HFM1: variants seen among roughly 807,000 people sequenced by gnomAD.
The protein encoded by HFM1 is helicase for meiosis 1.
Under a neutral mutation model 192.1 loss-of-function variants are expected in HFM1, and 169 were observed. The ratio of observed to expected loss-of-function variants is 0.88; its 90% CI spans 0.78 to 1.00. The LOEUF (loss-of-function observed/expected upper bound fraction) is 1.00, where lower values mean the gene tolerates loss of function less well. Ranked by LOEUF, HFM1 falls within the 50% of genes least tolerant of loss-of-function variation. The pLI is 0.00. For synonymous variants in HFM1, 525 were observed against 537.8 expected (o/e 0.98, Z 0.33); for missense variants, 1,661 against 1,668.0 (o/e 1.00, Z 0.07).
chr1:91,353,032 A>C lies in HFM1; in HGVS notation c.1831+19T>G. 7 of 1,446,960 alleles carry C rather than the reference A, an allele frequency of 4.8e-6. No homozygotes were observed. The highest frequency in any genetic ancestry group is 4.7e-5 in the South Asian group (4 of 84,418). The allele number at this position is 1,446,960 out of a possible 1,614,324, so 89.6% of individuals were successfully genotyped here. On this transcript the variant is annotated intron_variant, in intron 15 of 38. Transcript: ENST00000370425. ...TCCAAAATATTTTATAGTATCCACG[A>C]GAAATATGTTTTACTTACAAAGAAC...
chr1:91,343,310 C>A, intron 20 of HFM1, 120 bp downstream of exon 20: 1 of 434,702 alleles, frequency 2.3e-6, no homozygotes, highest in Non-Finnish European at 4.3e-6. Flanking sequence ...AATGATGATA[C>A]CCTGTTGAGA....
At chr1:91,263,061 A>G (rs1432684871) in intron 36 of HFM1, among the ~76,000 whole-genome samples, 1 of 152,162 alleles carries the variant, frequency 6.6e-6, no homozygotes, top group Non-Finnish European at 1.5e-5. Flanking sequence ...ATTCACTATT[A>G]TATGCCAGAT....
chr1:91,295,731 T>C (rs1383946840), intron 30 of HFM1, among the ~76,000 whole-genome samples: 4 of 152,176 alleles, frequency 2.6e-5, no homozygotes, highest in East Asian at 1.9e-4. Flanking sequence ...TTCTTAATTT[T>C]AACATAGTCA....
At chr1:91,272,555 G>A (rs1451615502) in intron 34 of HFM1, among the ~76,000 whole-genome samples, 2 of 151,942 alleles carry the variant, frequency 1.3e-5, no homozygotes, top group Non-Finnish European at 1.5e-5. Flanking sequence ...ACAAGCTCTT[G>A]TATGCAGAAG....
chr1:91,351,524 T>G, intron 17 of HFM1, 25 bp downstream of exon 17: 1 of 1,215,372 alleles, frequency 8.2e-7, no homozygotes, highest in Non-Finnish European at 1.2e-6. Context: ...CATTAGTATC[T>G]TTTTGGAACT....
At chr1:91,398,843 C>T (rs1663977428) in intron 2 of HFM1, among the ~76,000 whole-genome samples, 1 of 152,160 alleles carries the variant, frequency 6.6e-6, no homozygotes, top group African/African-American at 2.4e-5. Context: ...CAGGCATATA[C>T]CACCATGTCT....
At chr1:91,283,407 C>A (rs2100840183) in intron 30 of HFM1, among the ~76,000 whole-genome samples, 1 of 152,150 alleles carries the variant, frequency 6.6e-6, no homozygotes, top group South Asian at 2.1e-4. Context: ...CCACACCCAG[C>A]TAATTTTTGT....
chr1:91,326,474 GA>G lies in HFM1; in HGVS notation c.2336-1709del, dbSNP rs200182184. Among the ~76,000 whole-genome samples, 251 of 145,506 alleles carry G rather than the reference GA, an allele frequency of 1.7e-3. 3 individuals carry two copies. The East Asian group carries it at 0.023, about 14-fold the overall frequency. On this transcript the variant is annotated intron_variant, in intron 20 of 38. Transcript: ENST00000370425. Reference sequence around the variant, plus strand: ...GGCAGGACATATTTAAAGTGCTAAAGAAAAAAAAAACCCTTTTACTCTAGAA... The same window carrying G: ...GGCAGGACATATTTAAAGTGCTAAAGAAAAAAAAACCCTTTTACTCTAGAA...
chr1:91,262,996 A>G (rs1219872096), intron 36 of HFM1, among the ~76,000 whole-genome samples: 1 of 152,170 alleles, frequency 6.6e-6, no homozygotes, highest in Non-Finnish European at 1.5e-5. Context: ...ATAACTGTAT[A>G]GAAGAATTTA....
At chr1:91,307,475 CAG>C (rs1366251052) in intron 30 of HFM1, among the ~76,000 whole-genome samples, 1 of 151,942 alleles carries the variant, frequency 6.6e-6, no homozygotes, top group Admixed American at 6.6e-5. Flanking sequence ...TATTTTGAGA[CAG>C]GGTCTCGCTC....
chr1:91,388,246 T>C (rs1662494050), intron 4 of HFM1, among the ~76,000 whole-genome samples: 1 of 152,158 alleles, frequency 6.6e-6, no homozygotes. Flanking sequence ...AGCCTCAAAT[T>C]TGTAGTTGGC....
At position 91,378,098 on chromosome 1, in the gene HFM1, G is replaced by C. The variant is rs1260658152; in HGVS notation, c.1322C>G (p.Thr441Ser). ...RMKTVQSVSQ[T>S]LKNTSTAIPM... ...AATAGCAGTGCTGGTATTTTTTAAA[G>C]TCTGAGAAACAGACTGTACAGTTTT... Residue 441 changes from threonine to serine, a missense_variant, in exon 11 of 39, where the codon ACT (threonine) becomes AGT (serine). Transcript: ENST00000370425. 2 of 1,611,642 alleles carry C rather than the reference G, an allele frequency of 1.2e-6. No individual in the cohort carries two copies. The highest frequency in any genetic ancestry group is 2.7e-5 in the African/African-American group (2 of 74,816).
At chr1:91,353,652 C>CCAAAAA (rs1553213573) in intron 13 of HFM1, among the ~76,000 whole-genome samples, 1 of 65,428 alleles carries the variant, frequency 1.5e-5, no homozygotes, top group African/African-American at 5.1e-5. Flanking sequence ...AGTAAATAAG[C>CCAAAAA]AAAAAAAAAA....
At chr1:91,279,647 T>C (rs2100809538) in intron 30 of HFM1, among the ~76,000 whole-genome samples, 1 of 152,288 alleles carries the variant, frequency 6.6e-6, no homozygotes, top group East Asian at 1.9e-4. Context: ...CTTCAAATAG[T>C]TCCATGCCTT....
chr1:91,381,028 T>TAAA, intron 6 of HFM1, 46 bp from the exon 7 acceptor site: 1 of 703,680 alleles, frequency 1.4e-6, no homozygotes, highest in Non-Finnish European at 2.3e-6. Context: ...TTTAAAAAAT[T>TAAA]AGTTACTTTT....
At chr1:91,275,052 T>C (rs1443768825) in intron 32 of HFM1, among the ~76,000 whole-genome samples, 1 of 149,694 alleles carries the variant, frequency 6.7e-6, no homozygotes, top group Non-Finnish European at 1.5e-5. Flanking sequence ...TGGTATAATC[T>C]CAGCTCACTG....
rs1242141970 is a variant in HFM1 at position 91,380,171 on chromosome 1, A to AAAC, written c.936_938dup (p.Val312_Phe313insLeu). 4 of 1,553,284 alleles carry AAAC rather than the reference A, an allele frequency of 2.6e-6. No individual in the cohort carries two copies. In the African/African-American group the frequency reaches 5.5e-5, roughly 21 times the overall value. ...TTAACAATCTTGTTATAGCTAGTTC[A>AAAC]AACACTACAGTTTTTCCAGAACCAG... On this transcript the variant is annotated inframe_insertion, in exon 8 of 39. Transcript: ENST00000370425.
chr1:91,290,477 G>A (rs1290707036), intron 30 of HFM1, among the ~76,000 whole-genome samples: 2 of 152,084 alleles, frequency 1.3e-5, no homozygotes, highest in African/African-American at 2.4e-5. Flanking sequence ...ATGGTAAAGG[G>A]ACCAATTCAA....
At chr1:91,390,711 C>T (rs1409945715) in intron 4 of HFM1, among the ~76,000 whole-genome samples, 1 of 152,092 alleles carries the variant, frequency 6.6e-6, no homozygotes, top group African/African-American at 2.4e-5. Flanking sequence ...GGGATGCCCT[C>T]TCTCACCACT....
Sources: allele counts gnomAD v4.1 joint callset (sites outside exome capture counted in the v4.1 genomes callset), GRCh38; gene constraint gnomAD v4.1.1; transcripts MANE v1.5; gene names NCBI Gene and HGNC (gene_info 2026-07-23, HGNC 2026-07-21).